C8orf34: variants seen among roughly 807,000 people sequenced by gnomAD.
The protein encoded by C8orf34 is uncharacterized protein C8orf34.
In C8orf34, 65 loss-of-function variants were observed where a neutral mutation model predicts 68.3. That is an observed-to-expected ratio of 0.95 (90% CI 0.78 to 1.17). The LOEUF (loss-of-function observed/expected upper bound fraction) is 1.17, where lower values mean the gene tolerates loss of function less well. Among genes scored for constraint, C8orf34 ranks in the 50% most tolerant of loss-of-function variants. The pLI is 0.00. For missense variants in C8orf34, 664 were observed against 655.4 expected (o/e 1.01, Z -0.14); for synonymous variants, 244 against 241.2 (o/e 1.01, Z -0.11).
At position 68,605,560 on chromosome 8, in the gene C8orf34, A is replaced by G. The variant is rs537120699; in HGVS notation, c.1106-34816A>G. Among the ~76,000 whole-genome samples, 18 of 152,248 alleles carry G rather than the reference A, an allele frequency of 1.2e-4. No homozygotes were observed. The East Asian group carries it at 3.1e-3, about 26-fold the overall frequency. On this transcript the variant is annotated intron_variant, in intron 7 of 13. Coordinates refer to ENST00000518698, the MANE Select transcript of C8orf34 (RefSeq NM_052958.4). The stretch of plus-strand genomic sequence containing the variant: ...AAGTGAACTAGCAAGCCCTGAAAAG[A>G]TGAGAGGCAGCGAAGAGGAGGAGAC...
intron 7 of C8orf34, among the ~76,000 whole-genome samples, chr8:68,635,402 T>C (rs1818806874): frequency 6.6e-6 from 1 of 152,154 alleles, no homozygotes; most frequent in Admixed American, 6.5e-5. Context: ...CATATCAGTA[T>C]GAAAGACATT....
chr8:68,629,170 GT>G (rs1364096895), intron 7 of C8orf34, among the ~76,000 whole-genome samples: 1 of 152,110 alleles, frequency 6.6e-6, no homozygotes, highest in African/African-American at 2.4e-5. Context: ...ATTATACCAG[GT>G]TTTCTCAGCC....
chr8:68,521,374 C>G lies in C8orf34; in HGVS notation c.766-425C>G, dbSNP rs540179901. Among the ~76,000 whole-genome samples, 5 of 152,158 alleles carry G rather than the reference C, an allele frequency of 3.3e-5. 1 individual carries two copies. Among genetic ancestry groups the G allele is most frequent in the African/African-American group, 1.2e-4 (5 of 41,432 alleles). Reference sequence around the variant, plus strand: ...ATGCTTTGCAGTTGGAGGCAATACACCCTTCGAGCCCTATCTCTTCTTGTC... The same window carrying G: ...ATGCTTTGCAGTTGGAGGCAATACAGCCTTCGAGCCCTATCTCTTCTTGTC... On this transcript the variant is annotated intron_variant, in intron 5 of 13. Transcript: ENST00000518698.
At chr8:68,772,912 T>G (rs970675097) in intron 10 of C8orf34, among the ~76,000 whole-genome samples, 1 of 151,426 alleles carries the variant, frequency 6.6e-6, no homozygotes, top group African/African-American at 2.4e-5. Flanking sequence ...TTCTAAGACA[T>G]AATTTCCATG....
intron 10 of C8orf34, among the ~76,000 whole-genome samples, chr8:68,768,879 G>A (rs1823258649): frequency 1.4e-5 from 2 of 144,492 alleles, no homozygotes; most frequent in South Asian, 4.5e-4. Flanking sequence ...TAGATCACTG[G>A]GTTCACACTT....
intron 7 of C8orf34, among the ~76,000 whole-genome samples, chr8:68,634,700 C>A (rs1818786049): frequency 6.6e-6 from 1 of 152,078 alleles, no homozygotes; most frequent in African/African-American, 2.4e-5. Context: ...CATGACCAAA[C>A]CAAATTTTTT....
chr8:68,357,506 A>C (rs1806799730), intron 1 of C8orf34, among the ~76,000 whole-genome samples: 2 of 152,208 alleles, frequency 1.3e-5, no homozygotes, highest in Admixed American at 1.3e-4. Flanking sequence ...TACTAGGTTC[A>C]TCAGTGGTTC....
At chr8:68,446,045 C>G (rs1355887857) in intron 2 of C8orf34, among the ~76,000 whole-genome samples, 2 of 152,148 alleles carry the variant, frequency 1.3e-5, no homozygotes, top group East Asian at 3.9e-4. Flanking sequence ...ACCTTGGCCT[C>G]CCAAAGTGCT....
chr8:68,448,888 A>G (rs1811227445), intron 3 of C8orf34, among the ~76,000 whole-genome samples: 1 of 152,088 alleles, frequency 6.6e-6, no homozygotes, highest in African/African-American at 2.4e-5. Flanking sequence ...ATTTAAGATA[A>G]AGGATATTAC....
intron 10 of C8orf34, among the ~76,000 whole-genome samples, chr8:68,725,557 A>T (rs966333073): frequency 6.6e-6 from 1 of 152,230 alleles, no homozygotes; most frequent in African/African-American, 2.4e-5. Context: ...CTTTTTAATT[A>T]TTAAGTGCTT....
intron 7 of C8orf34, among the ~76,000 whole-genome samples, chr8:68,604,090 G>A (rs1439445072): frequency 3.3e-5 from 5 of 152,074 alleles, no homozygotes; most frequent in Non-Finnish European, 1.5e-5. Flanking sequence ...TGTATGGAAA[G>A]CACTATTTAG....
In C8orf34 at chr8:68,774,350, A is replaced by ATATAT. The variant is rs1563661802; in HGVS notation, c.1405-2049_1405-2048insTATAT. Among the ~76,000 whole-genome samples the ATATAT allele has an allele frequency of 2.6e-3, 284 of 109,518 alleles. 3 individuals are homozygous for ATATAT. Among genetic ancestry groups the ATATAT allele is most frequent in the African/African-American group, 0.015 (276 of 17,850 alleles). The allele number at this position is 109,518 out of a possible 152,430, so 71.8% of individuals were successfully genotyped here. A position where few individuals can be genotyped will look rare whatever the true frequency, so the allele number is the denominator to read the frequency against. On this transcript the variant is annotated intron_variant, in intron 10 of 13. Coordinates refer to ENST00000518698, the MANE Select transcript of C8orf34 (RefSeq NM_052958.4). ...GTGTGTGTATATATATATATATATA[A>ATATAT]AATAAACAAAAAAATAAACAGTTTA...
At chr8:68,350,003 C>T (rs1307628912) in intron 1 of C8orf34, among the ~76,000 whole-genome samples, 1 of 151,780 alleles carries the variant, frequency 6.6e-6, no homozygotes, top group Non-Finnish European at 1.5e-5. Flanking sequence ...TCATCTTCTC[C>T]TAGCTTTGGG....
At chr8:68,439,416 A>G in intron 1 of C8orf34, 83 bp from the exon 2 acceptor site, 2 of 1,342,846 alleles carry the variant, frequency 1.5e-6, no homozygotes, top group Non-Finnish European at 2.1e-6. Flanking sequence ...CCAGTACCTG[A>G]CAATATTACA....
At chr8:68,736,110 T>G (rs1585800637) in intron 10 of C8orf34, among the ~76,000 whole-genome samples, 1 of 152,162 alleles carries the variant, frequency 6.6e-6, no homozygotes, top group South Asian at 2.1e-4. Context: ...CTTTTGTATA[T>G]TACAAGTTAA....
chr8:68,505,124 G>A (rs1813951096), intron 5 of C8orf34, among the ~76,000 whole-genome samples: 1 of 152,056 alleles, frequency 6.6e-6, no homozygotes, highest in Admixed American at 6.5e-5. Flanking sequence ...TTTTCACAGG[G>A]GTTGTGCCAC....
At chr8:68,441,091 A>G (rs1266356153) in intron 2 of C8orf34, among the ~76,000 whole-genome samples, 2 of 152,144 alleles carry the variant, frequency 1.3e-5, no homozygotes, top group Non-Finnish European at 2.9e-5. Flanking sequence ...GGCATGAGCC[A>G]CCATGCCCTG....
At chr8:68,517,353 G>A (rs988547749) in intron 5 of C8orf34, among the ~76,000 whole-genome samples, 2 of 152,110 alleles carry the variant, frequency 1.3e-5, no homozygotes, top group Non-Finnish European at 1.5e-5. Context: ...ATTTTTAAAA[G>A]GAGAAAGTGC....
rs1434199903 is a variant in C8orf34 at position 68,482,977 on chromosome 8, C to A, written c.737-5046C>A. On this transcript the variant is annotated intron_variant, in intron 4 of 13. Coordinates refer to ENST00000518698, the MANE Select transcript of C8orf34 (RefSeq NM_052958.4). ...GAGTCTAATTTTCTACATTATAATA[C>A]AATTGGCATTTTTTTCCAGTAGGGA... Among the ~76,000 whole-genome samples, 23 of 95,346 alleles carry A rather than the reference C, an allele frequency of 2.4e-4. No homozygotes were observed. The Admixed American group carries it at 2.6e-3, about 11-fold the overall frequency. 62.6% of individuals were successfully genotyped at this position (95,346 alleles called of 152,430 possible).
Sources: allele counts gnomAD v4.1 joint callset (sites outside exome capture counted in the v4.1 genomes callset), GRCh38; gene constraint gnomAD v4.1.1; transcripts MANE v1.5; gene names NCBI Gene and HGNC (gene_info 2026-07-23, HGNC 2026-07-21).